Variants in SHISA6 observed in about 807,000 individuals in gnomAD.
The protein encoded by SHISA6 is protein shisa-6.
Under a neutral mutation model 47.9 loss-of-function variants are expected in SHISA6, and 22 were observed. The ratio of observed to expected loss-of-function variants is 0.46; its 90% CI spans 0.33 to 0.66. SHISA6 has a LOEUF of 0.66. Among genes scored for constraint, SHISA6 ranks in the 30% least tolerant of loss-of-function variants. The pLI, the probability that SHISA6 is intolerant of heterozygous loss-of-function variation, is 0.02. For synonymous variants in SHISA6, 388 were observed against 337.8 expected, an observed-to-expected ratio of 1.15 and a Z score of -1.63; for missense variants, 680 against 764.6, an observed-to-expected ratio of 0.89 and a Z score of 1.30.
intron 3 of SHISA6, among the ~76,000 whole-genome samples, chr17:11,522,294 C>T (rs919239253): frequency 2.6e-5 from 4 of 152,016 alleles, no homozygotes; most frequent in East Asian, 1.9e-4. Flanking sequence ...GTTACAGGGT[C>T]GCTTTGTCGC....
chr17:11,399,218 A>T lies in SHISA6; in HGVS notation c.895+19709A>T, dbSNP rs187216511. 5.9e-5 allele frequency among the ~76,000 whole-genome samples: 9 copies of T among 152,280 alleles called. No homozygotes were observed. The East Asian group carries it at 1.7e-3, about 30-fold the overall frequency. ...GAATGCAGCTCTGTTGAAGCTGCTCATATGAAATGAAATCTGCCTTGTCCG... is the reference window on the plus strand; with the variant it reads ...GAATGCAGCTCTGTTGAAGCTGCTCTTATGAAATGAAATCTGCCTTGTCCG... On this transcript the variant is annotated intron_variant, in intron 3 of 5. Transcript: ENST00000441885.
At chr17:11,448,882 A>G (rs1915308614) in intron 3 of SHISA6, among the ~76,000 whole-genome samples, 1 of 152,092 alleles carries the variant, frequency 6.6e-6, no homozygotes, top group Admixed American at 6.5e-5. Flanking sequence ...CAAACGTCCC[A>G]CTTTCTACCA....
chr17:11,242,075 T>C lies in SHISA6; in HGVS notation c.638+15T>C, dbSNP rs1278825201. The C allele has an allele frequency of 6.5e-7, 1 of 1,549,266 alleles. No homozygotes were observed. The highest frequency in any genetic ancestry group is 1.2e-5 in the South Asian group (1 of 84,030). On this transcript the variant is annotated intron_variant, in intron 1 of 5. Coordinates refer to ENST00000441885, the MANE Select transcript of SHISA6 (RefSeq NM_207386.4). The stretch of plus-strand genomic sequence containing the variant: ...AACATCCACAGGTGAGAGCGCCGCG[T>C]GCCGCGCGCCCCGGTCTCCCCGCGG...
intron 3 of SHISA6, among the ~76,000 whole-genome samples, chr17:11,475,874 TA>T (rs1314867034): frequency 6.6e-6 from 1 of 152,140 alleles, no homozygotes; most frequent in East Asian, 1.9e-4. Flanking sequence ...ATCTCTTCCT[TA>T]AATGTTTGGT....
chr17:11,500,499 C>A (rs1044076162), intron 3 of SHISA6, among the ~76,000 whole-genome samples: 1 of 152,126 alleles, frequency 6.6e-6, no homozygotes, highest in Non-Finnish European at 1.5e-5. Context: ...GAAACTGAGG[C>A]GCAGGAGTGA....
chr17:11,379,837 G>A (rs1912952945), intron 3 of SHISA6: 1 of 271,430 alleles, frequency 3.7e-6, no homozygotes, highest in Non-Finnish European at 7.0e-6. Flanking sequence ...TGCAATGTGT[G>A]TGTTCGCCTC....
intron 3 of SHISA6, among the ~76,000 whole-genome samples, chr17:11,444,312 C>A (rs1337819134): frequency 1.3e-5 from 2 of 151,470 alleles, no homozygotes; most frequent in Admixed American, 6.6e-5. Context: ...GAGTGAGACT[C>A]CATAAAAAAT....
intron 3 of SHISA6, among the ~76,000 whole-genome samples, chr17:11,396,855 C>A (rs925093907): frequency 4.6e-5 from 7 of 152,112 alleles, no homozygotes; most frequent in African/African-American, 1.7e-4. Flanking sequence ...ACGTGGATAC[C>A]TATGTAACAA....
At chr17:11,449,231 C>T (rs1473220281) in intron 3 of SHISA6, among the ~76,000 whole-genome samples, 3 of 151,910 alleles carry the variant, frequency 2.0e-5, no homozygotes, top group Admixed American at 6.5e-5. Flanking sequence ...TGCCCGAGCT[C>T]AGGAGTTCGA....
In SHISA6 at chr17:11,488,818, C is replaced by A. The variant is rs563323385; in HGVS notation, c.896-63078C>A. On this transcript the variant is annotated intron_variant, in intron 3 of 5. Transcript: ENST00000441885. ...CTCATCCCTGAATCTGTTGCTGCAA[C>A]CTAGAGGATGTGATAGTCATATTCA... Among the ~76,000 whole-genome samples, 14 of 152,322 alleles carry A rather than the reference C, an allele frequency of 9.2e-5. No individual in the cohort carries two copies. In the East Asian group the frequency reaches 9.7e-4, roughly 11 times the overall value.
intron 2 of SHISA6, among the ~76,000 whole-genome samples, chr17:11,312,825 C>T (rs531148117): frequency 1.3e-5 from 2 of 152,006 alleles, no homozygotes; most frequent in Admixed American, 6.6e-5. Flanking sequence ...TCTAGGTTGT[C>T]GTTTTTTAAA....
rs8072694 is a variant in SHISA6, at chr17:11,470,597, G to A, written c.896-81299G>A. Among the ~76,000 whole-genome samples, 45 of 151,992 alleles carry A rather than the reference G, an allele frequency of 3.0e-4. 1 individual carries two copies. Among genetic ancestry groups the A allele is most frequent in the Admixed American group, 2.6e-3 (39 of 15,246 alleles). ...AGCCTTCCAGGCAAGCAGGCCTCCC[G>A]TCCTCAGCCTCCACCAACAGCAGGT... On this transcript the variant is annotated intron_variant, in intron 3 of 5. Transcript: ENST00000441885.
chr17:11,535,084 A>G (rs2071774984), intron 3 of SHISA6, among the ~76,000 whole-genome samples: 1 of 152,170 alleles, frequency 6.6e-6, no homozygotes, highest in African/African-American at 2.4e-5. Flanking sequence ...GGGTGAGCCA[A>G]GAGCGCACCA....
chr17:11,258,122 C>T lies in SHISA6; in HGVS notation c.639-5244C>T, dbSNP rs1039698458. Among the ~76,000 whole-genome samples, 12 of 152,182 alleles carry T rather than the reference C, an allele frequency of 7.9e-5. No individual in the cohort carries two copies. In the South Asian group the frequency reaches 1.2e-3, roughly 16 times the overall value. On this transcript the variant is annotated intron_variant, in intron 1 of 5. Transcript: ENST00000441885. ...AACATTAACCAGAATAGCTTATTCA[C>T]GGAATAGTTCATCTATTTGGCCTTT...
chr17:11,477,567 C>A (rs1916084806), intron 3 of SHISA6, among the ~76,000 whole-genome samples: 1 of 115,362 alleles, frequency 8.7e-6, no homozygotes, highest in African/African-American at 3.3e-5. Flanking sequence ...TATCCCTCCC[C>A]CCTCCCCCCA....
intron 2 of SHISA6, among the ~76,000 whole-genome samples, chr17:11,312,085 T>C (rs1035363695): frequency 1.3e-5 from 2 of 152,206 alleles, no homozygotes; most frequent in Admixed American, 1.3e-4. Flanking sequence ...TTATTTTTTC[T>C]TTTGTTGATA....
intron 2 of SHISA6, among the ~76,000 whole-genome samples, chr17:11,377,383 GT>G (rs1912840574): frequency 6.6e-6 from 1 of 152,176 alleles, no homozygotes; most frequent in African/African-American, 2.4e-5. Context: ...AGAAGGGAGG[GT>G]GTGAGGGAAA....
At chr17:11,475,764 G>T (rs1305144673) in intron 3 of SHISA6, among the ~76,000 whole-genome samples, 1 of 151,822 alleles carries the variant, frequency 6.6e-6, no homozygotes, top group Non-Finnish European at 1.5e-5. Context: ...AATGTCTTTG[G>T]TTTATGTGTT....
At chr17:11,245,046 C>T (rs1907521819) in intron 1 of SHISA6, among the ~76,000 whole-genome samples, 1 of 152,310 alleles carries the variant, frequency 6.6e-6, no homozygotes, top group African/African-American at 2.4e-5. Context: ...TCTACTCCTT[C>T]AGGGAGGAAG....
Sources: allele counts gnomAD v4.1 joint callset (sites outside exome capture counted in the v4.1 genomes callset), GRCh38; gene constraint gnomAD v4.1.1; transcripts MANE v1.5; gene names NCBI Gene and HGNC (gene_info 2026-07-23, HGNC 2026-07-21).